FLCN: variants seen among roughly 807,000 people sequenced by gnomAD.
The protein encoded by FLCN is folliculin.
In FLCN, 22 loss-of-function variants were observed where a neutral mutation model predicts 62.5. That is an observed-to-expected ratio of 0.35 (90% confidence interval 0.25 to 0.50). The LOEUF (loss-of-function observed/expected upper bound fraction) is 0.50, where lower values mean the gene tolerates loss of function less well. FLCN is among the 20% of genes least tolerant of loss of function. The pLI is 0.97. For synonymous variants in FLCN, 319 were observed against 310.0 expected, an observed-to-expected ratio of 1.03 and a Z score of -0.30; for missense variants, 657 against 778.0, an observed-to-expected ratio of 0.84 and a Z score of 1.85.
chr17:17,214,536 G>T (rs1184474276), intron 13 of FLCN, among the ~76,000 whole-genome samples: 1 of 152,114 alleles, frequency 6.6e-6, no homozygotes, highest in Non-Finnish European at 1.5e-5. Context: ...GGAGGTTGTG[G>T]TGAGCCAAGA....
chr17:17,234,276 A>G (rs1290142486), intron 1 of FLCN, among the ~76,000 whole-genome samples: 1 of 150,236 alleles, frequency 6.7e-6, no homozygotes, highest in Non-Finnish European at 1.5e-5. Flanking sequence ...CAGTGCAGCA[A>G]TCTCGGATCA....
chr17:17,226,277 C>G lies in FLCN; in HGVS notation c.295G>C (p.Asp99His). The change falls in exon 5 of 14, where the codon GAT becomes CAT. Residue 99 changes from aspartate (D) to histidine (H), a missense_variant. Physicochemically the swap from Asp to His is moderately conservative, Grantham distance 81. Coordinates refer to ENST00000285071, the MANE Select transcript of FLCN (RefSeq NM_144997.7). ...ACGTATTTAATGGAGGTCTCTTTAT[C>G]ATGGCTGATATATCCCGGGTGCCCT... ...AAGHPGYISHDKETSIKYVSH... is the reference protein window; with the variant it reads ...AAGHPGYISHHKETSIKYVSH... The G allele has an allele frequency of 6.2e-7, 1 of 1,614,178 alleles. No individual in the cohort carries two copies.
At chr17:17,219,329 T>C in intron 8 of FLCN, 120 bp from the exon 9 acceptor site, 2 of 616,040 alleles carry the variant, frequency 3.2e-6, no homozygotes, top group East Asian at 1.1e-4. Context: ...CCAGGTCCTA[T>C]GCTCCCTGCT....
At chr17:17,228,633 G>A in intron 3 of FLCN, 1 of 178,138 alleles carries the variant, frequency 5.6e-6, no homozygotes, top group Non-Finnish European at 1.2e-5. Context: ...CTCCTGCAGG[G>A]GGTCGGCGGG....
chr17:17,228,536 G>A (rs942431534), intron 3 of FLCN: 6 of 277,630 alleles, frequency 2.2e-5, no homozygotes, highest in Non-Finnish European at 4.3e-5. Context: ...CAGGGAGAGG[G>A]TCCTCCACCC....
chr17:17,223,717 AAG>A (rs1046714418), intron 6 of FLCN, among the ~76,000 whole-genome samples: 31 of 152,252 alleles, frequency 2.0e-4, no homozygotes, highest in Admixed American at 6.5e-4. Flanking sequence ...CAACGGGCAC[AAG>A]AGAGACCAGC....
intron 7 of FLCN, among the ~76,000 whole-genome samples, 180 bp downstream of exon 7, chr17:17,222,321 G>C (rs1348724518): frequency 6.6e-6 from 1 of 152,194 alleles, no homozygotes; most frequent in Non-Finnish European, 1.5e-5. Flanking sequence ...GAGGCCTACA[G>C]AACAAGGACT....
In FLCN at chr17:17,216,886, CTGA is replaced by C; in HGVS notation, c.1176+180_1176+182del. The C allele has an allele frequency of 1.5e-6, 1 of 662,930 alleles. No homozygotes were observed. The highest frequency in any genetic ancestry group is 2.7e-6 in the Non-Finnish European group (1 of 365,250). The allele number at this position is 662,930 out of a possible 1,614,324, so 41.1% of individuals were successfully genotyped here. On this transcript the variant is annotated intron_variant, in intron 10 of 13. Transcript: ENST00000285071. This position sits in a 1 kb window ranked among gnomAD's most constrained non-coding sequence, Gnocchi z 4.0. ...GCAGTCAGCAGGCACACGCATCCTT[CTGA>C]TGATTTAAACATCATCAGACCAGAC...
At chr17:17,217,016 G>C (rs1184657769) in intron 10 of FLCN, 53 bp downstream of exon 10, 1 of 1,322,872 alleles carries the variant, frequency 7.6e-7, no homozygotes, top group Non-Finnish European at 1.1e-6. Flanking sequence ...CTGACGCCAG[G>C]CACCAGGCCA....
rs1242118306 is a variant in FLCN, at chr17:17,217,261, G to A, written c.1063-79C>T. On this transcript the variant is annotated intron_variant, in intron 9 of 13. Transcript: ENST00000285071. ...TCCCTTCCCATGAAGTTATTTGTGT[G>A]TTCATAAAACTTTGTAGAGCAAAGA... is the stretch of plus-strand genomic sequence containing the variant. The A allele has an allele frequency of 4.0e-6, 4 of 1,008,308 alleles. No homozygotes were observed. The African/African-American group carries it at 4.8e-5, about 12-fold the overall frequency. The allele number at this position is 1,008,308 out of a possible 1,614,324, so 62.5% of individuals were successfully genotyped here. A position where few individuals can be genotyped will look rare whatever the true frequency, so the allele number is the denominator to read the frequency against.
rs778587763 is a variant in FLCN at position 17,227,948 on chromosome 17, C to T, written c.190G>A (p.Ala64Thr). The T allele has an allele frequency of 8.1e-6, 13 of 1,614,026 alleles. No individual in the cohort carries two copies. Among genetic ancestry groups the T allele is most frequent in the South Asian group, 5.5e-5 (5 of 91,094 alleles). Residue 64 changes from alanine to threonine, a missense_variant, in exon 4 of 14, where the codon GCA becomes ACA. By Grantham distance (58) the Ala-to-Thr change is moderately conservative (BLOSUM62 0). Coordinates refer to ENST00000285071, the MANE Select transcript of FLCN (RefSeq NM_144997.7). ...MNSRMRAHSP[A>T]EGASVESSSP... ...CTGGACTCGACGCTGGCCCCCTCTG[C>T]GGGGCTGTGCGCACGCATCCGACTG... is the stretch of plus-strand genomic sequence containing the variant.
At chr17:17,217,775 T>G (rs1467189542) in intron 9 of FLCN, 1 of 182,694 alleles carries the variant, frequency 5.5e-6, no homozygotes, top group Admixed American at 5.3e-5. Context: ...TGTTATTAAC[T>G]TCCATGACAT....
chr17:17,228,268 C>T (rs1317758342), intron 3 of FLCN, 107 bp from the exon 4 acceptor site: 1 of 1,407,076 alleles, frequency 7.1e-7, no homozygotes, highest in Non-Finnish European at 9.5e-7. Flanking sequence ...GGACTTCCTG[C>T]CCAGGAGAGG....
At position 17,228,375 on chromosome 17, in the gene FLCN, G is replaced by A. The variant is rs563376820; in HGVS notation, c.-24-214C>T. The stretch of plus-strand genomic sequence containing the variant: ...TCCCATGGGAGTCACAGCAAATAGG[G>A]GAGGGGACAATGTGGACCAATGATA... On this transcript the variant is annotated intron_variant, in intron 3 of 13. Coordinates refer to ENST00000285071, the MANE Select transcript of FLCN (RefSeq NM_144997.7). 42 of 572,240 alleles carry A rather than the reference G, an allele frequency of 7.3e-5. No homozygotes were observed. The South Asian group carries it at 8.2e-4, about 11-fold the overall frequency. 35.4% of individuals were successfully genotyped at this position (572,240 alleles called of 1,614,324 possible).
chr17:17,213,963 G>T, intron 13 of FLCN, 107 bp from the exon 14 acceptor site: 1 of 1,224,558 alleles, frequency 8.2e-7, no homozygotes, highest in Non-Finnish European at 1.2e-6. Flanking sequence ...CAGGAGCTGT[G>T]CAGGCAGAGC....
In FLCN at chr17:17,213,596, C is replaced by T. The variant is rs1219671650; in HGVS notation, c.*59G>A. On this transcript the variant is annotated 3_prime_UTR_variant, in exon 14 of 14. Coordinates refer to ENST00000285071, the MANE Select transcript of FLCN (RefSeq NM_144997.7). Reference sequence around the variant, plus strand: ...GAAACTCAAGGGACAGTCCCTCTCACGGGGCTGGAGGATCCTGTGGACAGC... The same window carrying T: ...GAAACTCAAGGGACAGTCCCTCTCATGGGGCTGGAGGATCCTGTGGACAGC... 1.5e-5 allele frequency: 24 copies of T among 1,606,950 alleles called. No individual in the cohort carries two copies. Among genetic ancestry groups the T allele is most frequent in the Admixed American group, 1.0e-4 (6 of 59,980 alleles).
intron 3 of FLCN, 43 bp from the exon 4 acceptor site, chr17:17,228,204 A>C: frequency 1.3e-6 from 2 of 1,579,162 alleles, no homozygotes; most frequent in Non-Finnish European, 8.6e-7. Context: ...ATGCCTATTG[A>C]CTCCATGAAA....
chr17:17,213,906 A>G (rs1350792986), intron 13 of FLCN, 50 bp from the exon 14 acceptor site: 1 of 1,604,704 alleles, frequency 6.2e-7, no homozygotes, highest in Non-Finnish European at 8.5e-7. Context: ...CAATCCCTCG[A>G]GCCCTGGTCA....
chr17:17,213,706 T>C lies in FLCN; in HGVS notation c.1689A>G (p.Ser563=), dbSNP rs1393898992. The change falls in exon 14 of 14, where the codon TCA becomes TCG. Residue 563 remains serine, a synonymous_variant. Coordinates refer to ENST00000285071, the MANE Select transcript of FLCN (RefSeq NM_144997.7). ...WMTGLSKTYK[S]HLMSTVRSPT... Reference sequence around the variant, plus strand: ...GGCTGCGGACCGTGGACATGAGGTGTGACTTGTAGGTCTTGCTCAGGCCAG... The same window carrying C: ...GGCTGCGGACCGTGGACATGAGGTGCGACTTGTAGGTCTTGCTCAGGCCAG... 1 of 1,614,176 alleles carries C rather than the reference T, an allele frequency of 6.2e-7. No homozygotes were observed. Among genetic ancestry groups the C allele is most frequent in the East Asian group, 2.2e-5 (1 of 44,884 alleles).
Sources: gnomAD v4.1 joint callset for allele counts (sites outside exome capture counted in the v4.1 genomes callset) on GRCh38, gnomAD v4.1.1 for gene constraint, Gnocchi (gnomAD v3.1) non-coding constraint, MANE v1.5 for transcripts, NCBI Gene and HGNC (gene_info 2026-07-23, HGNC 2026-07-21) for gene names.